The following PHF21B variants were observed in gnomAD, a reference collection of about 807,000 sequenced individuals.
The protein encoded by PHF21B is PHD finger protein 4.
In PHF21B, 22 loss-of-function variants were observed where a neutral mutation model predicts 62.2. The observed-to-expected ratio is 0.35, with a 90% CI of 0.25 to 0.51. The LOEUF (loss-of-function observed/expected upper bound fraction) is 0.51, where lower values mean the gene tolerates loss of function less well. Ranked by LOEUF, PHF21B falls within the 20% of genes least tolerant of loss-of-function variation. The pLI, the probability that PHF21B is intolerant of heterozygous loss-of-function variation, is 0.97. For synonymous variants in PHF21B, 341 were observed against 314.7 expected, an observed-to-expected ratio of 1.08 and a Z score of -0.88; for missense variants, 701 against 707.9, an observed-to-expected ratio of 0.99 and a Z score of 0.11.
intron 8 of PHF21B, 104 bp downstream of exon 8, chr22:44,891,202 G>A (rs916501691): frequency 4.3e-5 from 56 of 1,300,254 alleles, no homozygotes; most frequent in Non-Finnish European, 6.0e-5. Flanking sequence ...TCAGACCAGT[G>A]GGAGGCGGGC....
rs529995037 is a variant in PHF21B, at chr22:45,008,922, G to A, written c.55-312C>T. Reference sequence around the variant, plus strand: ...TGCGAGTGAGTGTGAGTGTGAGTGTGTGCCGGGGGAGGGGGGAGGAACAAA... The same window carrying A: ...TGCGAGTGAGTGTGAGTGTGAGTGTATGCCGGGGGAGGGGGGAGGAACAAA... On this transcript the variant is annotated intron_variant, in intron 1 of 12. Coordinates refer to ENST00000313237, the MANE Select transcript of PHF21B (RefSeq NM_138415.5). 5.3e-6 allele frequency: 6 copies of A among 1,134,022 alleles called. 1 individual carries two copies. In the South Asian group the frequency reaches 2.6e-4, roughly 50 times the overall value. 70.2% of individuals were successfully genotyped at this position (1,134,022 alleles called of 1,614,324 possible).
chr22:44,936,540 G>A (rs933052832), intron 2 of PHF21B, among the ~76,000 whole-genome samples: 1 of 152,196 alleles, frequency 6.6e-6, no homozygotes, highest in Non-Finnish European at 1.5e-5. Context: ...CGTTACTGGT[G>A]AGCCCTTGCA....
At chr22:44,931,106 G>C (rs910239981) in intron 2 of PHF21B, among the ~76,000 whole-genome samples, 5 of 152,180 alleles carry the variant, frequency 3.3e-5, no homozygotes, top group African/African-American at 1.2e-4. Flanking sequence ...CCCAACTGCA[G>C]TGCAGTGGCG....
In PHF21B at chr22:45,009,921, G is replaced by T. The variant is rs1221592789; in HGVS notation, c.-372C>A. The T allele has an allele frequency of 6.8e-6, 1 of 146,646 alleles. No homozygotes were observed. The highest frequency in any genetic ancestry group is 2.5e-5 in the African/African-American group (1 of 40,682). The allele number at this position is 146,646 out of a possible 1,614,324, so 9.1% of individuals were successfully genotyped here. On this transcript the variant is annotated 5_prime_UTR_variant, in exon 1 of 13. It adds an upstream start codon to the 5' untranslated region. Transcript: ENST00000313237. This position sits in a 1 kb window ranked among gnomAD's most constrained non-coding sequence, Gnocchi z 5.9. ...CTCCCGCGCGAGCCTCCCGCGGGCA[G>T]GGACTATATTTCCTCCGGCGCGCGC...
At chr22:44,924,964 TACTC>T (rs1281113237) in intron 2 of PHF21B, among the ~76,000 whole-genome samples, 3 of 152,132 alleles carry the variant, frequency 2.0e-5, no homozygotes, top group African/African-American at 7.2e-5. Flanking sequence ...GACAGAGTAT[TACTC>T]AGCAATAAAA....
In PHF21B at chr22:44,888,111, G is replaced by T. The variant is rs2070893068; in HGVS notation, c.1049C>A (p.Thr350Asn). 6.5e-7 allele frequency: 1 copy of T among 1,530,346 alleles called. No individual in the cohort carries two copies. 94.8% of individuals were successfully genotyped at this position (1,530,346 alleles called of 1,614,324 possible). The change falls in exon 10 of 13, where the codon ACC (threonine) becomes AAC (asparagine). Residue 350 changes from threonine (T) to asparagine (N), a missense_variant. Physicochemically the swap from Thr to Asn is moderately conservative, Grantham distance 65. Transcript: ENST00000313237. ...NEDPCWKNEI[T>N]HDEHCAACKR... ...GCAGGCGGCACAGTGCTCATCGTGG[G>T]TGATCTCGTTCTGGAAGAGAAGGGA...
At chr22:44,883,365 C>T in intron 12 of PHF21B, 61 bp from the exon 13 acceptor site, 3 of 1,519,270 alleles carry the variant, frequency 2.0e-6, no homozygotes, top group Non-Finnish European at 2.7e-6. Context: ...CATCCTGGGG[C>T]AGCCACCGTC....
In PHF21B at chr22:44,912,878, C is replaced by CAAA. The variant is rs3087031; in HGVS notation, c.831+941_831+943dup. On this transcript the variant is annotated intron_variant, in intron 5 of 12. Transcript: ENST00000313237. The stretch of plus-strand genomic sequence containing the variant: ...TGGCTCAAAGAGTCAGACTCTATCT[C>CAAA]AAAAAAAAAAAAAAAAAAAGACAAA... Among the ~76,000 whole-genome samples the CAAA allele has an allele frequency of 4.8e-4, 22 of 45,598 alleles. No individual in the cohort carries two copies. The South Asian group carries it at 0.017, about 35-fold the overall frequency. The allele number at this position is 45,598 out of a possible 152,430, so 29.9% of individuals were successfully genotyped here.
intron 10 of PHF21B, among the ~76,000 whole-genome samples, chr22:44,886,139 G>A (rs1209820657): frequency 1.3e-5 from 2 of 151,954 alleles, no homozygotes; most frequent in Admixed American, 6.6e-5. Context: ...GAACATTCTG[G>A]GCCTCTCCCC....
chr22:44,936,244 G>A (rs1393384744), intron 2 of PHF21B, among the ~76,000 whole-genome samples: 1 of 152,222 alleles, frequency 6.6e-6, no homozygotes, highest in East Asian at 1.9e-4. Flanking sequence ...ATGAGCCCTG[G>A]AGTGCTCCTC....
intron 2 of PHF21B, among the ~76,000 whole-genome samples, chr22:44,978,770 G>T (rs569567464): frequency 6.6e-6 from 1 of 152,074 alleles, no homozygotes; most frequent in African/African-American, 2.4e-5. Context: ...CCTGGCTCCC[G>T]TAGGAGCTAA....
At chr22:44,933,341 C>T (rs1023987375) in intron 2 of PHF21B, 1 of 512,706 alleles carries the variant, frequency 2.0e-6, no homozygotes, top group Non-Finnish European at 2.5e-6. Flanking sequence ...GAACTCCCGC[C>T]ATCAGGGGAT....
intron 6 of PHF21B, among the ~76,000 whole-genome samples, chr22:44,894,829 G>T (rs2071028921): frequency 6.6e-6 from 1 of 152,180 alleles, no homozygotes; most frequent in Admixed American, 6.5e-5. Flanking sequence ...TGCATGGCAG[G>T]CTGCTGTCCC....
intron 2 of PHF21B, among the ~76,000 whole-genome samples, chr22:44,928,207 C>T (rs952671653): frequency 1.5e-4 from 23 of 152,158 alleles, no homozygotes; most frequent in African/African-American, 2.9e-4. Context: ...TTCCCACCCC[C>T]GCTTCAGCAC....
chr22:44,985,876 T>A (rs2072936394), intron 2 of PHF21B, among the ~76,000 whole-genome samples: 1 of 145,010 alleles, frequency 6.9e-6, no homozygotes, highest in South Asian at 2.3e-4. Flanking sequence ...ACCACCACCA[T>A]CACCAGCAGC....
intron 2 of PHF21B, among the ~76,000 whole-genome samples, chr22:44,993,651 T>C (rs1248716817): frequency 6.6e-6 from 1 of 152,220 alleles, no homozygotes; most frequent in Non-Finnish European, 1.5e-5. Context: ...ACTTCACAGA[T>C]GAGAAAAATC....
intron 2 of PHF21B, among the ~76,000 whole-genome samples, chr22:44,946,485 C>T (rs950048945): frequency 3.9e-5 from 6 of 151,956 alleles, no homozygotes; most frequent in African/African-American, 1.5e-4. Flanking sequence ...AGAGGAAACA[C>T]GGAAAGTCCT....
chr22:44,960,262 C>T (rs939991636), intron 2 of PHF21B, among the ~76,000 whole-genome samples: 5 of 152,190 alleles, frequency 3.3e-5, no homozygotes, highest in African/African-American at 9.7e-5. Context: ...TCTGCAGAGA[C>T]GCCCCCTTCC....
chr22:44,972,142 A>G (rs1267086523), intron 2 of PHF21B, among the ~76,000 whole-genome samples: 1 of 152,248 alleles, frequency 6.6e-6, no homozygotes, highest in Non-Finnish European at 1.5e-5. Context: ...AGTAGAAAAC[A>G]TGAATGAGAG....
Sources: gnomAD v4.1 joint callset for allele counts (sites outside exome capture counted in the v4.1 genomes callset) on GRCh38, gnomAD v4.1.1 for gene constraint, Gnocchi (gnomAD v3.1) non-coding constraint, MANE v1.5 for transcripts, NCBI Gene and HGNC (gene_info 2026-07-23, HGNC 2026-07-21) for gene names.